TNRC6C: variants seen among roughly 807,000 people sequenced by gnomAD.
TNRC6C encodes trinucleotide repeat-containing gene 6C protein.
In TNRC6C, 20 loss-of-function variants were observed where a neutral mutation model predicts 153.7. That is an observed-to-expected ratio of 0.13 (90% CI 0.09 to 0.19). The LOEUF is 0.19. Among genes scored for constraint, TNRC6C ranks in the 10% least tolerant of loss-of-function variants. The probability of loss-of-function intolerance (pLI) is 1.00; values close to 1 mark genes in which losing one functional copy is unlikely to be tolerated. For synonymous variants in TNRC6C, 811 were observed against 841.4 expected (o/e 0.96, Z 0.63); for missense variants, 1,987 against 2,172.0 (o/e 0.91, Z 1.69).
intron 1 of TNRC6C, among the ~76,000 whole-genome samples, chr17:78,009,331 G>A (rs1237040694): frequency 6.6e-6 from 1 of 151,804 alleles, no homozygotes; most frequent in Non-Finnish European, 1.5e-5. Context: ...TAAGTTTTCA[G>A]TATTGTTTTC....
intron 2 of TNRC6C, among the ~76,000 whole-genome samples, chr17:78,041,340 T>C (rs2072290407): frequency 6.6e-6 from 1 of 152,116 alleles, no homozygotes; most frequent in Non-Finnish European, 1.5e-5. Flanking sequence ...GACTTACCCA[T>C]GGCTTTCCCT....
intron 1 of TNRC6C, among the ~76,000 whole-genome samples, chr17:77,966,690 TCA>T (rs2070899130): frequency 6.6e-6 from 1 of 152,208 alleles, no homozygotes; most frequent in Non-Finnish European, 1.5e-5. Context: ...GAGATTTGAC[TCA>T]CAGCATAAAT....
At chr17:78,035,423 G>A (rs1357244431) in intron 2 of TNRC6C, among the ~76,000 whole-genome samples, 1 of 152,168 alleles carries the variant, frequency 6.6e-6, no homozygotes, top group African/African-American at 2.4e-5. Flanking sequence ...GCAGCACAAG[G>A]TCTTGCTTAT....
intron 6 of TNRC6C, 103 bp downstream of exon 8, chr17:78,071,268 ATTGT>A (rs920426547): frequency 1.7e-6 from 2 of 1,171,450 alleles, no homozygotes; most frequent in African/African-American, 1.5e-5. Context: ...AGACACCAAG[ATTGT>A]TTGAGGAATG....
intron 1 of TNRC6C, among the ~76,000 whole-genome samples, chr17:77,967,587 G>C (rs962260992): frequency 6.6e-6 from 1 of 152,208 alleles, no homozygotes. Flanking sequence ...ACTGTTTTCT[G>C]TAGGGTACCT....
intron 1 of TNRC6C, among the ~76,000 whole-genome samples, chr17:77,967,832 A>G (rs116693889): frequency 0.015 from 2,299 of 152,310 alleles, 62 homozygotes; most frequent in African/African-American, 0.052. Flanking sequence ...TGGCCAAGCC[A>G]GAATGTCTGG....
intron 3 of TNRC6C, among the ~76,000 whole-genome samples, chr17:78,059,477 C>T (rs1441246284): frequency 2.0e-5 from 3 of 152,150 alleles, no homozygotes; most frequent in Non-Finnish European, 4.4e-5. Flanking sequence ...TGGCGTGAGA[C>T]GTGTGAACCC....
At chr17:77,996,688 T>A (rs1440925381) in intron 1 of TNRC6C, among the ~76,000 whole-genome samples, 2 of 152,220 alleles carry the variant, frequency 1.3e-5, no homozygotes, top group Non-Finnish European at 2.9e-5. Context: ...GTTGGCTTCA[T>A]TTTTTGGCTC....
intron 1 of TNRC6C, among the ~76,000 whole-genome samples, chr17:77,978,044 C>T (rs775554760): frequency 8.6e-5 from 13 of 151,758 alleles, no homozygotes; most frequent in East Asian, 1.9e-4. Context: ...TACAGGCGCC[C>T]GCCACCACGC....
intron 1 of TNRC6C, among the ~76,000 whole-genome samples, chr17:78,006,774 A>G (rs77100631): frequency 0.043 from 6,453 of 151,320 alleles, 211 homozygotes; most frequent in Middle Eastern, 0.065. Flanking sequence ...ACGCAGAGCT[A>G]TCATTTTCTA....
At chr17:78,027,938 C>T (rs2071975411) in intron 1 of TNRC6C, among the ~76,000 whole-genome samples, 4 of 150,458 alleles carry the variant, frequency 2.7e-5, no homozygotes, top group Non-Finnish European at 5.9e-5. Context: ...GAGTCTCGCC[C>T]AGGCTGGAGT....
chr17:78,043,579 C>T (rs142221716), intron 2 of TNRC6C, among the ~76,000 whole-genome samples: 1 of 152,002 alleles, frequency 6.6e-6, no homozygotes, highest in African/African-American at 2.4e-5. Context: ...TACAAATAAT[C>T]CTATTATACT....
At chr17:78,067,659 A>T (rs147861646) in intron 4 of TNRC6C, 98 bp from the exon 7 acceptor site, 1 of 1,330,186 alleles carries the variant, frequency 7.5e-7, no homozygotes, top group African/African-American at 1.5e-5. Context: ...ATTACAATGC[A>T]TCATTTGTCC....
chr17:78,054,525 T>C (rs1202152883), intron 3 of TNRC6C, among the ~76,000 whole-genome samples: 1 of 151,860 alleles, frequency 6.6e-6, no homozygotes. Context: ...TTCACCACTG[T>C]ATACCACTGC....
chr17:78,077,029 CT>C lies in TNRC6C; in HGVS notation c.3061-154del, dbSNP rs1322327129. ...TCCTATTTCTTTTTCTTTTTCCCCTCTTCCTTTTGCACATGTTCTCCATTCC... is the reference window on the plus strand; with the variant it reads ...TCCTATTTCTTTTTCTTTTTCCCCTCTCCTTTTGCACATGTTCTCCATTCC... On this transcript the variant is annotated intron_variant, in intron 8 of 19. Coordinates refer to ENST00000301624, the Ensembl canonical transcript of TNRC6C. 2.6e-5 allele frequency: 20 copies of C among 781,240 alleles called. No individual in the cohort carries two copies. The South Asian group carries it at 4.3e-4, about 17-fold the overall frequency. The allele number at this position is 781,240 out of a possible 1,614,324, so 48.4% of individuals were successfully genotyped here.
intron 17 of TNRC6C, among the ~76,000 whole-genome samples, chr17:78,099,607 T>C (rs997245873): frequency 8.5e-5 from 13 of 152,130 alleles, no homozygotes; most frequent in African/African-American, 3.1e-4. Flanking sequence ...TCAGTTAACC[T>C]CCCACTGGGT....
chr17:78,102,348 A>G (rs959043481), intron 17 of TNRC6C, 126 bp from the exon 21 acceptor site: 1 of 816,478 alleles, frequency 1.2e-6, no homozygotes, highest in Non-Finnish European at 1.9e-6. Flanking sequence ...AGGCTGAGAA[A>G]GGCTTTCCTA....
chr17:78,067,351 A>G (rs2072902503), intron 4 of TNRC6C, among the ~76,000 whole-genome samples: 1 of 152,182 alleles, frequency 6.6e-6, no homozygotes, highest in Admixed American at 6.5e-5. Context: ...AAAAAAAAGA[A>G]AAAAACCTAC....
At chr17:78,097,254 A>G (rs1454047558) in intron 16 of TNRC6C, among the ~76,000 whole-genome samples, 2 of 152,050 alleles carry the variant, frequency 1.3e-5, no homozygotes, top group African/African-American at 4.8e-5. Context: ...TAAGCAAAAT[A>G]TGAGTGTAAG....
Sources: allele counts gnomAD v4.1 joint callset (sites outside exome capture counted in the v4.1 genomes callset), GRCh38; gene constraint gnomAD v4.1.1; transcripts MANE v1.5; gene names NCBI Gene and HGNC (gene_info 2026-07-23, HGNC 2026-07-21).